Variants in SYCP2L observed in about 807,000 individuals in gnomAD.
SYCP2L encodes synaptonemal complex protein 2 like.
SYCP2L carries 98 observed loss-of-function variants against 125.8 expected under a neutral mutation model. The observed-to-expected ratio is 0.78, with a 90% CI of 0.66 to 0.92. SYCP2L has a LOEUF of 0.92. SYCP2L is among the 40% of genes least tolerant of loss of function. The pLI, the probability that SYCP2L is intolerant of heterozygous loss-of-function variation, is 0.00. For synonymous variants in SYCP2L, 317 were observed against 325.4 expected (o/e 0.97, Z 0.28); for missense variants, 842 against 936.4 (o/e 0.90, Z 1.32).
intron 15 of SYCP2L, among the ~76,000 whole-genome samples, chr6:10,925,046 G>A (rs1780873379): frequency 6.6e-6 from 1 of 152,168 alleles, no homozygotes; most frequent in Admixed American, 6.6e-5. Flanking sequence ...CAGAGACTGG[G>A]TAATTTATAA....
intron 29 of SYCP2L, 74 bp downstream of exon 29, chr6:10,963,917 T>C (rs1781634173): frequency 1.8e-6 from 2 of 1,101,878 alleles, no homozygotes; most frequent in South Asian, 2.8e-5. Flanking sequence ...TAAAAGATAC[T>C]GTAATGCTTT....
Position 10,912,758 on chromosome 6 carries a change from A to G in SYCP2L, c.1004A>G (p.Asn335Ser), listed in dbSNP as rs772106153. ...GSQSVTFYIDNAENTLWDSVT... is the reference protein window; with the variant it reads ...GSQSVTFYIDSAENTLWDSVT... ...CAGAGTGTCACTTTTTATATAGACA[A>G]TGCTGAGGTAATGATGTTCGATTCT... Residue 335 changes from asparagine (N) to serine (S), a missense_variant, in exon 13 of 30, where the codon AAT becomes AGT. Coordinates refer to ENST00000283141, the MANE Select transcript of SYCP2L (RefSeq NM_001040274.3). This position sits in a 1 kb window ranked among gnomAD's most constrained non-coding sequence, Gnocchi z 4.1. 5 of 1,613,322 alleles carry G rather than the reference A, an allele frequency of 3.1e-6. No homozygotes were observed. Among genetic ancestry groups the G allele is most frequent in the South Asian group, 1.1e-5 (1 of 91,022 alleles).
At chr6:10,929,235 T>C (rs1408560632) in intron 18 of SYCP2L, among the ~76,000 whole-genome samples, 2 of 152,212 alleles carry the variant, frequency 1.3e-5, no homozygotes, top group Non-Finnish European at 2.9e-5. Context: ...GGCTTTTCCT[T>C]GGAATACATG....
At chr6:10,947,524 A>G (rs1018528225) in intron 23 of SYCP2L, among the ~76,000 whole-genome samples, 46 of 152,088 alleles carry the variant, frequency 3.0e-4, no homozygotes, top group African/African-American at 1.1e-3. Context: ...CTAGGTATTT[A>G]TGATTTTGTT....
rs367740918 is a variant in SYCP2L, at chr6:10,973,379, G to A, written c.*38-573G>A. Among the ~76,000 whole-genome samples the A allele has an allele frequency of 3.3e-5, 5 of 152,206 alleles. No individual in the cohort carries two copies. In the East Asian group the frequency reaches 5.8e-4, roughly 18 times the overall value. ...GAAACCCCGTCTCTACTAAAAATAC[G>A]AAAATTAGCTGGGCATGATGTTGCA... On this transcript the variant is annotated intron_variant, in intron 29 of 29. Coordinates refer to ENST00000283141, the MANE Select transcript of SYCP2L (RefSeq NM_001040274.3).
chr6:10,964,820 CAAGGT>C (rs1176254174), intron 29 of SYCP2L, among the ~76,000 whole-genome samples: 1 of 152,146 alleles, frequency 6.6e-6, no homozygotes, highest in African/African-American at 2.4e-5. Flanking sequence ...TAAGACACTT[CAAGGT>C]CTCTCTGAGG....
At chr6:10,915,524 T>C (rs1018235254) in intron 14 of SYCP2L, among the ~76,000 whole-genome samples, 4 of 152,204 alleles carry the variant, frequency 2.6e-5, no homozygotes, top group African/African-American at 9.6e-5. Context: ...AGAGTTTTAA[T>C]CATAAAGGGA....
At chr6:10,960,939 G>A (rs559103845) in intron 26 of SYCP2L, among the ~76,000 whole-genome samples, 7 of 152,264 alleles carry the variant, frequency 4.6e-5, no homozygotes, top group South Asian at 2.1e-4. Context: ...TGAGCTGGGC[G>A]TGGTGGCACG....
At chr6:10,926,263 G>C (rs1277318208) in intron 15 of SYCP2L, 76 bp from the exon 16 acceptor site, 1 of 1,076,636 alleles carries the variant, frequency 9.3e-7, no homozygotes, top group Non-Finnish European at 1.4e-6. Flanking sequence ...TTTGTTCTAA[G>C]CTTTACGTTT....
chr6:10,910,043 C>T (rs1382931612), intron 10 of SYCP2L, 105 bp from the exon 11 acceptor site: 2 of 833,078 alleles, frequency 2.4e-6, no homozygotes, highest in Non-Finnish European at 1.9e-6. Flanking sequence ...ATGTTACTGC[C>T]TCCTGGTCAT....
intron 6 of SYCP2L, among the ~76,000 whole-genome samples, chr6:10,902,441 T>G (rs1780393974): frequency 1.3e-5 from 2 of 152,130 alleles, no homozygotes; most frequent in East Asian, 3.8e-4. Flanking sequence ...AGATTTGGTT[T>G]CAAAAAAGTC....
Position 10,935,214 on chromosome 6 carries a change from A to G in SYCP2L, c.1813+27A>G, listed in dbSNP as rs545179743. The stretch of plus-strand genomic sequence containing the variant: ...TACATGATTTTCTGTTGACTTACAT[A>G]GGAAAAAATTTGTATTTGGGAAAGG... On this transcript the variant is annotated intron_variant, in intron 21 of 29. Transcript: ENST00000283141. 102 of 1,603,154 alleles carry G rather than the reference A, an allele frequency of 6.4e-5. 1 individual carries two copies. In the South Asian group the frequency reaches 1.1e-3, roughly 18 times the overall value.
intron 14 of SYCP2L, among the ~76,000 whole-genome samples, chr6:10,913,341 G>T (rs1468013512): frequency 6.6e-6 from 1 of 152,194 alleles, no homozygotes; most frequent in Non-Finnish European, 1.5e-5. Flanking sequence ...CATCTAGCAA[G>T]AAAGGACATG....
chr6:10,924,491 C>T lies in SYCP2L; in HGVS notation c.1073-5C>T. 1 of 1,559,746 alleles carries T rather than the reference C, an allele frequency of 6.4e-7. No homozygotes were observed. Among genetic ancestry groups the T allele is most frequent in the South Asian group, 1.2e-5 (1 of 81,256 alleles). On this transcript the variant is annotated splice_polypyrimidine_tract_variant and splice_region_variant and intron_variant, in intron 14 of 29. Transcript: ENST00000283141. ...TATGCATTGATATTCCATATTTTCT[C>T]TTAGAAACGGAGAAGATAAAGATAT...
rs150106139 is a variant in SYCP2L at position 10,925,849 on chromosome 6, G to A, written c.1219-490G>A. The stretch of plus-strand genomic sequence containing the variant: ...GTTTGCCTTAACTCACAAAAACATC[G>A]AAATCATATGTCTTTCCAGTTTCAC... On this transcript the variant is annotated intron_variant, in intron 15 of 29. Transcript: ENST00000283141. Among the ~76,000 whole-genome samples, 158 of 152,206 alleles carry A rather than the reference G, an allele frequency of 1.0e-3. 1 individual carries two copies. The East Asian group carries it at 0.018, about 17-fold the overall frequency.
chr6:10,903,464 C>G (rs181020659), intron 8 of SYCP2L, among the ~76,000 whole-genome samples: 1 of 152,112 alleles, frequency 6.6e-6, no homozygotes, highest in Admixed American at 6.6e-5. Context: ...AGGAGAATGG[C>G]GTGAACCTGG....
chr6:10,957,833 G>A (rs981133813), intron 25 of SYCP2L, among the ~76,000 whole-genome samples: 4 of 152,002 alleles, frequency 2.6e-5, no homozygotes, highest in African/African-American at 9.7e-5. Flanking sequence ...TTTTAAAAAA[G>A]AGCAATCTGA....
chr6:10,900,285 C>T lies in SYCP2L; in HGVS notation c.466+1437C>T, dbSNP rs192733129. On this transcript the variant is annotated intron_variant, in intron 6 of 29. Transcript: ENST00000283141. ...TGTATGCCTACATGGTGGGCAGAGA[C>T]CTGGCTTCTTGCTGTGTGGCTACAA... 2.0e-5 allele frequency among the ~76,000 whole-genome samples: 3 copies of T among 152,030 alleles called. No individual in the cohort carries two copies. In the East Asian group the frequency reaches 5.8e-4, roughly 29 times the overall value.
At chr6:10,893,742 TC>T in intron 2 of SYCP2L, 124 bp from the exon 3 acceptor site, 1 of 1,055,542 alleles carries the variant, frequency 9.5e-7, no homozygotes, top group African/African-American at 1.6e-5. Flanking sequence ...GATAGAGATC[TC>T]CATTCTATAT....
Sources: gnomAD v4.1 joint callset for allele counts (sites outside exome capture counted in the v4.1 genomes callset) on GRCh38, gnomAD v4.1.1 for gene constraint, Gnocchi (gnomAD v3.1) non-coding constraint, MANE v1.5 for transcripts, NCBI Gene and HGNC (gene_info 2026-07-23, HGNC 2026-07-21) for gene names.